Variants in GCH1 observed in about 807,000 individuals in gnomAD.
GCH1 encodes GTP cyclohydrolase I.
A neutral mutation model predicts 25.9 loss-of-function variants in GCH1; 5 were observed. That is an observed-to-expected ratio of 0.19 (90% confidence interval 0.10 to 0.41). The LOEUF (loss-of-function observed/expected upper bound fraction) is 0.41, where lower values mean the gene tolerates loss of function less well. GCH1 is among the 10% of genes least tolerant of loss of function. The pLI, the probability that GCH1 is intolerant of heterozygous loss-of-function variation, is 1.00. For missense variants in GCH1, 261 were observed against 336.5 expected (o/e 0.78, Z 1.75); for synonymous variants, 159 against 129.6 (o/e 1.23, Z -1.54).
In GCH1 at chr14:54,855,569, T is replaced by C. The variant is rs911982610; in HGVS notation, c.509+4112A>G. 4.8e-5 allele frequency among the ~76,000 whole-genome samples: 7 copies of C among 145,360 alleles called. No individual in the cohort carries two copies. In the South Asian group the frequency reaches 8.6e-4, roughly 18 times the overall value. The stretch of plus-strand genomic sequence containing the variant: ...GTGACTCATGCCTGTAATCCCAGCA[T>C]TTGGGAGGCCAAGGCAGGCTGATCA... On this transcript the variant is annotated intron_variant, in intron 3 of 5. Transcript: ENST00000491895.
rs3221690 is a variant in GCH1 at position 54,900,845 on chromosome 14, TCACACACACACACACACACA to T, written c.343+1456_343+1475del. Among the ~76,000 whole-genome samples the T allele has an allele frequency of 6.5e-3, 946 of 144,742 alleles. 12 individuals are homozygous for T. Among genetic ancestry groups the T allele is most frequent in the African/African-American group, 0.022 (878 of 39,128 alleles). The allele number at this position is 144,742 out of a possible 152,430, so 95.0% of individuals were successfully genotyped here. A position where few individuals can be genotyped will look rare whatever the true frequency, so the allele number is the denominator to read the frequency against. ...ACATTTCATTACATTGTGAAATATCTCACACACACACACACACACACACACACACACACACACACACACAA... is the reference window on the plus strand; with the variant it reads ...ACATTTCATTACATTGTGAAATATCTCACACACACACACACACACACACAA... On this transcript the variant is annotated intron_variant, in intron 1 of 5. Coordinates refer to ENST00000491895, the MANE Select transcript of GCH1 (RefSeq NM_000161.3).
At chr14:54,866,835 A>C (rs894771032) in intron 1 of GCH1, among the ~76,000 whole-genome samples, 2 of 152,180 alleles carry the variant, frequency 1.3e-5, no homozygotes, top group Non-Finnish European at 2.9e-5. Context: ...AAGAAAGGCG[A>C]ACATGGCAGG....
At chr14:54,902,267 T>C in intron 1 of GCH1, 54 bp downstream of exon 1, 7 of 1,587,050 alleles carry the variant, frequency 4.4e-6, no homozygotes, top group South Asian at 1.1e-5. Flanking sequence ...GCGCGTTTCC[T>C]GCAAGCACCG....
At chr14:54,844,307 G>A (rs556064768) in intron 5 of GCH1, among the ~76,000 whole-genome samples, 164 bp from the exon 6 acceptor site, 2 of 152,108 alleles carry the variant, frequency 1.3e-5, no homozygotes, top group Non-Finnish European at 2.9e-5. Context: ...AAGTAACTGC[G>A]GTTCTTGCTA....
At chr14:54,897,785 G>T (rs144326581) in intron 1 of GCH1, among the ~76,000 whole-genome samples, 291 of 152,296 alleles carry the variant, frequency 1.9e-3, no homozygotes, top group Middle Eastern at 6.8e-3. Context: ...GGGGATAAGA[G>T]AAATGTTTAC....
chr14:54,865,655 C>G (rs959317161), intron 1 of GCH1, among the ~76,000 whole-genome samples: 1 of 152,028 alleles, frequency 6.6e-6, no homozygotes, highest in African/African-American at 2.4e-5. Flanking sequence ...ATGAAAAATG[C>G]AGGATTATGA....
chr14:54,851,345 T>C (rs2039727493), intron 3 of GCH1, among the ~76,000 whole-genome samples: 1 of 152,098 alleles, frequency 6.6e-6, no homozygotes, highest in African/African-American at 2.4e-5. Flanking sequence ...CCAAAAGCAA[T>C]GGCAACAAAA....
intron 5 of GCH1, 28 bp from the exon 6 acceptor site, chr14:54,844,171 T>C (rs1194683291): frequency 7.3e-6 from 11 of 1,503,728 alleles, no homozygotes; most frequent in Non-Finnish European, 1.0e-5. Flanking sequence ...ACAGGTTGTT[T>C]AAAGGAGTAG....
intron 1 of GCH1, chr14:54,885,972 A>G: frequency 3.7e-6 from 1 of 270,734 alleles, no homozygotes. Flanking sequence ...CCTGCTGGAG[A>G]CTATCAGCAT....
chr14:54,879,099 C>T (rs1275035309), intron 1 of GCH1, among the ~76,000 whole-genome samples: 1 of 152,046 alleles, frequency 6.6e-6, no homozygotes, highest in Non-Finnish European at 1.5e-5. Context: ...TGAAGGGACT[C>T]CAAAGAAATT....
intron 3 of GCH1, among the ~76,000 whole-genome samples, chr14:54,852,798 TCTA>T (rs1209026532): frequency 6.6e-5 from 10 of 152,138 alleles, no homozygotes; most frequent in Admixed American, 6.5e-5. Flanking sequence ...CTCTGATAGT[TCTA>T]CTATCTGCCC....
intron 1 of GCH1, among the ~76,000 whole-genome samples, 184 bp from the exon 2 acceptor site, chr14:54,865,620 T>G (rs896330981): frequency 2.0e-5 from 3 of 152,202 alleles, no homozygotes; most frequent in Admixed American, 2.0e-4. Context: ...TAAGTAACAT[T>G]TAAAAATCCT....
At chr14:54,874,806 G>C (rs1021821317) in intron 1 of GCH1, among the ~76,000 whole-genome samples, 2 of 152,092 alleles carry the variant, frequency 1.3e-5, no homozygotes, top group African/African-American at 4.8e-5. Context: ...ACCTCTTCAA[G>C]GAGAACTACA....
At chr14:54,874,840 G>C (rs1193690391) in intron 1 of GCH1, among the ~76,000 whole-genome samples, 2 of 152,188 alleles carry the variant, frequency 1.3e-5, no homozygotes, top group Non-Finnish European at 2.9e-5. Flanking sequence ...TAAAATAAAA[G>C]AGGATACAAA....
intron 3 of GCH1, among the ~76,000 whole-genome samples, chr14:54,849,408 C>T (rs1272373592): frequency 1.3e-5 from 2 of 152,074 alleles, no homozygotes; most frequent in Non-Finnish European, 2.9e-5. Context: ...TGCTGGGAAC[C>T]GAATTCTAGT....
At chr14:54,883,092 G>T (rs543311420) in intron 1 of GCH1, among the ~76,000 whole-genome samples, 1 of 152,268 alleles carries the variant, frequency 6.6e-6, no homozygotes, top group East Asian at 1.9e-4. Flanking sequence ...ACCCACTGCT[G>T]GCCGGGCGCG....
At chr14:54,875,549 G>C (rs1362269278) in intron 1 of GCH1, among the ~76,000 whole-genome samples, 1 of 152,050 alleles carries the variant, frequency 6.6e-6, no homozygotes, top group Non-Finnish European at 1.5e-5. Context: ...CTACAGAATG[G>C]GAGAAAATTT....
intron 2 of GCH1, among the ~76,000 whole-genome samples, chr14:54,861,682 C>T (rs1444221060): frequency 6.6e-6 from 1 of 150,670 alleles, no homozygotes; most frequent in Non-Finnish European, 1.5e-5. Context: ...GAGATCGCAC[C>T]ACTGCACTCC....
At chr14:54,877,656 G>A (rs1016595598) in intron 1 of GCH1, among the ~76,000 whole-genome samples, 5 of 152,060 alleles carry the variant, frequency 3.3e-5, no homozygotes, top group Non-Finnish European at 7.4e-5. Context: ...ACCATGCCTG[G>A]CTAATTTTTG....
Sources: allele counts gnomAD v4.1 joint callset (sites outside exome capture counted in the v4.1 genomes callset), GRCh38; gene constraint gnomAD v4.1.1; transcripts MANE v1.5; gene names NCBI Gene and HGNC (gene_info 2026-07-23, HGNC 2026-07-21).